RSPO2: variants seen among roughly 807,000 people sequenced by gnomAD.
RSPO2 encodes the protein R-spondin-2.
RSPO2 carries 14 observed loss-of-function variants against 30.9 expected under a neutral mutation model. The ratio of observed to expected loss-of-function variants is 0.45; its 90% confidence interval spans 0.30 to 0.71. The LOEUF is 0.71. Among genes scored for constraint, RSPO2 ranks in the 30% least tolerant of loss-of-function variants. The pLI is 0.08. For missense variants in RSPO2, 264 were observed against 301.9 expected, an observed-to-expected ratio of 0.87 and a Z score of 0.93; for synonymous variants, 107 against 96.4, an observed-to-expected ratio of 1.11 and a Z score of -0.64.
intron 2 of RSPO2, among the ~76,000 whole-genome samples, chr8:108,050,495 T>G (rs1166935588): frequency 6.6e-6 from 1 of 152,174 alleles, no homozygotes; most frequent in Non-Finnish European, 1.5e-5. Flanking sequence ...ATTAATTTTT[T>G]TATTCTAGAC....
intron 2 of RSPO2, among the ~76,000 whole-genome samples, chr8:108,021,768 C>A (rs1056840870): frequency 7.0e-6 from 1 of 143,314 alleles, no homozygotes; most frequent in African/African-American, 2.6e-5. Flanking sequence ...CGGGGCCTGT[C>A]GGGGGCAGGG....
At chr8:108,037,979 G>A (rs1811648474) in intron 2 of RSPO2, among the ~76,000 whole-genome samples, 1 of 152,108 alleles carries the variant, frequency 6.6e-6, no homozygotes, top group African/African-American at 2.4e-5. Context: ...TGTAGCCAGT[G>A]GATCAAGGAG....
In RSPO2 at chr8:107,900,862, G is replaced by T; in HGVS notation, c.*213C>A. The T allele has an allele frequency of 2.0e-6, 1 of 491,746 alleles. No homozygotes were observed. Among genetic ancestry groups the T allele is most frequent in the Non-Finnish European group, 3.6e-6 (1 of 280,050 alleles). 30.5% of individuals were successfully genotyped at this position (491,746 alleles called of 1,614,324 possible). On this transcript the variant is annotated 3_prime_UTR_variant, in exon 6 of 6. Transcript: ENST00000276659. ...CACACACTGAGCCAAGTCACGGGCT[G>T]TGCACTTACTCCTGCCTTCACAGTC...
intron 2 of RSPO2, among the ~76,000 whole-genome samples, chr8:108,069,023 T>C (rs1247745939): frequency 6.6e-6 from 1 of 152,230 alleles, no homozygotes. Context: ...GAAAAGAATA[T>C]AAGATAGGCT....
At chr8:108,037,020 A>G (rs1218237370) in intron 2 of RSPO2, among the ~76,000 whole-genome samples, 1 of 152,172 alleles carries the variant, frequency 6.6e-6, no homozygotes, top group Non-Finnish European at 1.5e-5. Flanking sequence ...GCCCTGTGGT[A>G]CAACAATATT....
intron 5 of RSPO2, among the ~76,000 whole-genome samples, chr8:107,922,741 A>C (rs1472829723): frequency 2.6e-5 from 4 of 152,172 alleles, no homozygotes; most frequent in Non-Finnish European, 5.9e-5. Context: ...ACTGGTACAA[A>C]AACATACATG....
chr8:107,919,208 A>C (rs1426007998), intron 5 of RSPO2, among the ~76,000 whole-genome samples: 2 of 151,948 alleles, frequency 1.3e-5, no homozygotes, highest in Non-Finnish European at 2.9e-5. Context: ...CCCTTTTTCC[A>C]CCTTCTTTAG....
At chr8:108,045,807 A>T (rs1222078435) in intron 2 of RSPO2, among the ~76,000 whole-genome samples, 1 of 152,132 alleles carries the variant, frequency 6.6e-6, no homozygotes, top group African/African-American at 2.4e-5. Flanking sequence ...ACATGTGAAC[A>T]ATTTGCTAAC....
intron 5 of RSPO2, among the ~76,000 whole-genome samples, chr8:107,926,612 A>G (rs1026710173): frequency 5.3e-5 from 8 of 152,124 alleles, no homozygotes; most frequent in African/African-American, 1.7e-4. Flanking sequence ...CTTTCTATAT[A>G]TGGCTAGCCA....
At chr8:107,953,429 G>T (rs894461660) in intron 5 of RSPO2, among the ~76,000 whole-genome samples, 2 of 152,164 alleles carry the variant, frequency 1.3e-5, no homozygotes, top group Non-Finnish European at 2.9e-5. Flanking sequence ...TCAACACTTT[G>T]GCCCTTATGC....
intron 2 of RSPO2, among the ~76,000 whole-genome samples, chr8:108,057,579 T>C (rs1282401989): frequency 1.3e-5 from 2 of 152,180 alleles, no homozygotes; most frequent in Non-Finnish European, 2.9e-5. Context: ...CAAAATAACA[T>C]TCAAAATTCA....
chr8:107,983,046 C>G, intron 3 of RSPO2: 1 of 1,130,152 alleles, frequency 8.8e-7, no homozygotes, highest in Non-Finnish European at 1.2e-6. Flanking sequence ...TGTCACGCTC[C>G]CCTGCAGTCC....
intron 2 of RSPO2, among the ~76,000 whole-genome samples, chr8:108,033,642 G>C (rs1166702815): frequency 6.6e-6 from 1 of 152,150 alleles, no homozygotes; most frequent in Non-Finnish European, 1.5e-5. Flanking sequence ...TTTAAGTATA[G>C]CCTTACAAGT....
intron 2 of RSPO2, among the ~76,000 whole-genome samples, chr8:108,076,639 A>G (rs1813021574): frequency 1.3e-5 from 2 of 152,178 alleles, no homozygotes; most frequent in African/African-American, 4.8e-5. Context: ...TAAGCAGAGG[A>G]ACACATTTGG....
rs146486138 is a variant in RSPO2 at position 107,958,081 on chromosome 8, T to A, written c.615A>T (p.Gly205=). ...AGTAGTGATTATATCCACACCTACC[T>A]CCTGGACAATGCCTCATTGTCATCT... ...RCKMTMRHCP[G]GKRTPKAKEK... is the part of the protein sequence containing the mutation. Residue 205 remains glycine (G), a splice_region_variant and synonymous_variant, in exon 5 of 6, where the codon GGA becomes GGT. Transcript: ENST00000276659. 6.2e-7 allele frequency: 1 copy of A among 1,610,580 alleles called. No individual in the cohort carries two copies. Among genetic ancestry groups the A allele is most frequent in the African/African-American group, 1.3e-5 (1 of 74,956 alleles).
chr8:107,909,057 T>C (rs1811739626), intron 5 of RSPO2, among the ~76,000 whole-genome samples: 1 of 152,132 alleles, frequency 6.6e-6, no homozygotes, highest in Non-Finnish European at 1.5e-5. Context: ...TTGGCTGCAC[T>C]GGTGAGGGTG....
chr8:107,935,276 C>T (rs994136527), intron 5 of RSPO2, among the ~76,000 whole-genome samples: 13 of 151,982 alleles, frequency 8.6e-5, no homozygotes, highest in Admixed American at 8.5e-4. Flanking sequence ...AATCTTCAAG[C>T]TAATTTTTAA....
At chr8:107,947,916 G>A (rs1334274449) in intron 5 of RSPO2, among the ~76,000 whole-genome samples, 1 of 152,042 alleles carries the variant, frequency 6.6e-6, no homozygotes, top group East Asian at 1.9e-4. Context: ...ACCTCCCTTG[G>A]GTGCATGAGG....
intron 5 of RSPO2, among the ~76,000 whole-genome samples, chr8:107,910,137 C>A (rs561575950): frequency 4.6e-3 from 697 of 152,264 alleles, no homozygotes; most frequent in African/African-American, 0.013. Context: ...TAGCTGACTT[C>A]ATACTATAAC....
Sources: allele counts gnomAD v4.1 joint callset (sites outside exome capture counted in the v4.1 genomes callset), GRCh38; gene constraint gnomAD v4.1.1; transcripts MANE v1.5; gene names NCBI Gene and HGNC (gene_info 2026-07-23, HGNC 2026-07-21).